KCNK2: variants seen among roughly 807,000 people sequenced by gnomAD.
KCNK2 encodes potassium channel subfamily K member 2.
In KCNK2, 21 loss-of-function variants were observed where a neutral mutation model predicts 40.5. That is an observed-to-expected ratio of 0.52 (90% confidence interval 0.37 to 0.75). The LOEUF is 0.75. KCNK2 is among the 30% of genes least tolerant of loss of function. The pLI is 0.00. For synonymous variants in KCNK2, 191 were observed against 202.2 expected (o/e 0.94, Z 0.47); for missense variants, 399 against 531.6 (o/e 0.75, Z 2.45).
intron 3 of KCNK2, among the ~76,000 whole-genome samples, chr1:215,149,622 A>G (rs1662597256): frequency 6.6e-6 from 1 of 152,170 alleles, no homozygotes; most frequent in Admixed American, 6.5e-5. Flanking sequence ...TAAAGGGAGG[A>G]ACATGAAATA....
At chr1:215,122,194 T>C (rs1373440858) in intron 2 of KCNK2, among the ~76,000 whole-genome samples, 1 of 152,150 alleles carries the variant, frequency 6.6e-6, no homozygotes, top group African/African-American at 2.4e-5. Context: ...TCTTCCTTGG[T>C]ATGAAGTTTG....
intron 1 of KCNK2, among the ~76,000 whole-genome samples, chr1:215,007,034 T>TAC (rs1656162887): frequency 1.6e-5 from 1 of 61,924 alleles, no homozygotes; most frequent in African/African-American, 5.7e-5. Flanking sequence ...TATATATATA[T>TAC]ATATGTGTGT....
chr1:215,131,954 C>T (rs1661699216), intron 3 of KCNK2, among the ~76,000 whole-genome samples: 2 of 152,146 alleles, frequency 1.3e-5, no homozygotes, highest in South Asian at 4.1e-4. Flanking sequence ...CAATCACAGA[C>T]TTACTGCAAA....
chr1:215,177,866 T>G (rs1437243184), intron 5 of KCNK2, among the ~76,000 whole-genome samples: 1 of 150,956 alleles, frequency 6.6e-6, no homozygotes, highest in African/African-American at 2.4e-5. Flanking sequence ...TCAGGCTCCT[T>G]TTTGATTCTA....
intron 5 of KCNK2, among the ~76,000 whole-genome samples, chr1:215,184,012 T>C (rs1445147173): frequency 6.6e-6 from 1 of 152,294 alleles, no homozygotes; most frequent in East Asian, 1.9e-4. Flanking sequence ...AAATACAGTG[T>C]ACACCTCTCT....
intron 1 of KCNK2, among the ~76,000 whole-genome samples, chr1:215,068,072 G>A (rs1192138297): frequency 2.1e-5 from 3 of 146,208 alleles, no homozygotes; most frequent in Non-Finnish European, 4.5e-5. Context: ...TTAATTTCTT[G>A]GAAATGTATC....
intron 5 of KCNK2, among the ~76,000 whole-genome samples, chr1:215,186,893 G>C (rs1243423353): frequency 1.3e-5 from 2 of 152,204 alleles, no homozygotes; most frequent in African/African-American, 2.4e-5. Context: ...AGAGTGGCAA[G>C]TGCAGAGTAA....
At chr1:215,172,738 A>C (rs139602268) in intron 5 of KCNK2, among the ~76,000 whole-genome samples, 2,131 of 151,740 alleles carry the variant, frequency 0.014, 57 homozygotes, top group African/African-American at 0.047. Context: ...CTCACTGCAA[A>C]CTCTGCCTCC....
rs1553277251 is a variant in KCNK2, at chr1:215,236,045, A to AATCTATCATCTATCT, written c.*907_*908insATCTATCTATCTATC. The AATCTATCATCTATCT allele has an allele frequency of 6.9e-6, 1 of 144,302 alleles. No individual in the cohort carries two copies. Among genetic ancestry groups the AATCTATCATCTATCT allele is most frequent in the Admixed American group, 7.0e-5 (1 of 14,376 alleles). 8.9% of individuals were successfully genotyped at this position (144,302 alleles called of 1,614,324 possible). Reference sequence around the variant, plus strand: ...TACATTTTTAAAGGCAGAAGAAGAAAATCTATCTATCTATCTATCTATCTA... The same window carrying AATCTATCATCTATCT: ...TACATTTTTAAAGGCAGAAGAAGAAAATCTATCATCTATCTATCTATCTATCTATCTATCTATCTA... On this transcript the variant is annotated 3_prime_UTR_variant, in exon 7 of 7. Transcript: ENST00000444842.
At chr1:215,022,106 CCTAT>C (rs11273303) in intron 1 of KCNK2, among the ~76,000 whole-genome samples, 1 of 109,184 alleles carries the variant, frequency 9.2e-6, no homozygotes, top group Non-Finnish European at 2.1e-5. Flanking sequence ...TAAATCCCCT[CCTAT>C]CTATCTATCT....
intron 1 of KCNK2, among the ~76,000 whole-genome samples, chr1:215,007,227 A>ATATATATATATATATATATATG (rs1337347831): frequency 4.2e-5 from 4 of 95,766 alleles, no homozygotes; most frequent in Non-Finnish European, 8.3e-5. Flanking sequence ...ATATATATAT[A>ATATATATATATATATATATATG]GGCTCATTTC....
chr1:215,176,346 T>C (rs1387493012), intron 5 of KCNK2, among the ~76,000 whole-genome samples: 1 of 152,096 alleles, frequency 6.6e-6, no homozygotes, highest in East Asian at 1.9e-4. Flanking sequence ...CTTCAACTTT[T>C]ATTTTAAGTT....
Position 215,067,516 on chromosome 1 carries a change from A to T in KCNK2, c.35-18852A>T, listed in dbSNP as rs367730828. On this transcript the variant is annotated intron_variant, in intron 1 of 6. Coordinates refer to the KCNK2 transcript ENST00000391895. ...TATGTAATGGCTTCTAAATAGAATG[A>T]TTGACTCTATAAGGACCCTTTCCTA... is the stretch of plus-strand genomic sequence containing the variant. Among the ~76,000 whole-genome samples the T allele has an allele frequency of 5.9e-5, 9 of 152,162 alleles. No homozygotes were observed. The East Asian group carries it at 1.7e-3, about 29-fold the overall frequency.
intron 2 of KCNK2, among the ~76,000 whole-genome samples, chr1:215,117,504 A>G (rs549086131): frequency 6.6e-6 from 1 of 152,272 alleles, no homozygotes; most frequent in African/African-American, 2.4e-5. Flanking sequence ...AGTAATAAAT[A>G]TCATACTGCA....
At chr1:215,025,010 A>C (rs528754011) in intron 1 of KCNK2, among the ~76,000 whole-genome samples, 36 of 149,316 alleles carry the variant, frequency 2.4e-4, no homozygotes, top group Admixed American at 2.1e-3. Flanking sequence ...GCAATTTGTG[A>C]ATTTAGCCTT....
intron 2 of KCNK2, among the ~76,000 whole-genome samples, chr1:215,096,461 A>C (rs12039875): frequency 0.57 from 86,526 of 151,646 alleles, 26,775 homozygotes; most frequent in Non-Finnish European, 0.69. Context: ...TGGGATATTC[A>C]TAACCTCAAA....
At chr1:215,155,048 T>C (rs2102617173) in intron 3 of KCNK2, among the ~76,000 whole-genome samples, 1 of 152,254 alleles carries the variant, frequency 6.6e-6, no homozygotes, top group Non-Finnish European at 1.5e-5. Context: ...CTCTTGTCCT[T>C]TTTTCATAAT....
rs1657065089 is a variant in KCNK2 at position 215,028,271 on chromosome 1, G to A, written c.34+22316G>A. Among the ~76,000 whole-genome samples the A allele has an allele frequency of 3.3e-5, 5 of 152,162 alleles. No individual in the cohort carries two copies. In the South Asian group the frequency reaches 1.0e-3, roughly 32 times the overall value. On this transcript the variant is annotated intron_variant, in intron 1 of 6. Coordinates refer to the KCNK2 transcript ENST00000391895. ...GCGTGGTGGCGGGTCTGTAATCCCA[G>A]TTACTCAGGAGGCTGAGGCAGGAGA... is the stretch of plus-strand genomic sequence containing the variant.
intron 2 of KCNK2, among the ~76,000 whole-genome samples, chr1:215,097,880 A>G (rs1660047679): frequency 6.6e-6 from 1 of 151,976 alleles, no homozygotes; most frequent in South Asian, 2.1e-4. Flanking sequence ...TCAGCCATTC[A>G]ACTGGGATCT....
Sources: gnomAD v4.1 joint callset for allele counts (sites outside exome capture counted in the v4.1 genomes callset) on GRCh38, gnomAD v4.1.1 for gene constraint, MANE v1.5 for transcripts, NCBI Gene and HGNC (gene_info 2026-07-23, HGNC 2026-07-21) for gene names.